DNAJC25: variants seen among roughly 807,000 people sequenced by gnomAD.
DNAJC25 encodes DnaJ heat shock protein family (Hsp40) member C25, also known as dnaJ homolog subfamily C member 25.
DNAJC25 carries 26 observed loss-of-function variants against 42.1 expected under a neutral mutation model. The observed-to-expected ratio is 0.62, with a 90% confidence interval of 0.45 to 0.86. DNAJC25 has a LOEUF of 0.86. Among genes scored for constraint, DNAJC25 ranks in the 40% least tolerant of loss-of-function variants. DNAJC25 has a pLI of 0.00. For missense variants in DNAJC25, 404 were observed against 459.4 expected (o/e 0.88, Z 1.10); for synonymous variants, 189 against 179.9 (o/e 1.05, Z -0.40).
chr9:111,642,655 T>G (rs181122912), intron 1 of DNAJC25, among the ~76,000 whole-genome samples: 1 of 131,364 alleles, frequency 7.6e-6, no homozygotes, highest in East Asian at 2.2e-4. Flanking sequence ...AAAATAAATG[T>G]AAAACTAGCT....
Position 111,631,723 on chromosome 9 carries a change from A to G in DNAJC25, c.316A>G (p.Thr106Ala), listed in dbSNP as rs766627561. The change falls in exon 1 of 4, where the codon ACC (threonine) becomes GCC (alanine). Residue 106 changes from threonine to alanine, a missense_variant. Transcript: ENST00000313525. Reference protein sequence around the residue: ...SAEEAFLLVATAYETLKDEET... With the variant: ...SAEEAFLLVAAAYETLKDEET... ...CGAGGAGGCTTTCCTGCTGGTGGCAACCGCCTACGAGACACTCAAGGTGAG... is the reference window on the plus strand; with the variant it reads ...CGAGGAGGCTTTCCTGCTGGTGGCAGCCGCCTACGAGACACTCAAGGTGAG... The G allele has an allele frequency of 3.3e-5, 50 of 1,520,664 alleles. 2 individuals are homozygous for G. Among genetic ancestry groups the G allele is most frequent in the South Asian group, 3.6e-5 (3 of 83,698 alleles). 94.2% of individuals were successfully genotyped at this position (1,520,664 alleles called of 1,614,324 possible).
chr9:111,641,428 G>A (rs1349261304), intron 1 of DNAJC25, among the ~76,000 whole-genome samples: 2 of 127,546 alleles, frequency 1.6e-5, no homozygotes, highest in African/African-American at 6.1e-5. Flanking sequence ...CGCCCGGCCA[G>A]CCGCCCCGTC....
chr9:111,632,483 T>C (rs1240876634), intron 1 of DNAJC25, among the ~76,000 whole-genome samples: 1 of 152,174 alleles, frequency 6.6e-6, no homozygotes, highest in Admixed American at 6.5e-5. Context: ...TGTGAATATG[T>C]ATTTGTATTT....
chr9:111,653,298 C>T lies in DNAJC25; in HGVS notation c.*76C>T. ...TAACTGAATTATTTTAGAAATGTAT[C>T]AATTGACTGCTGCTCAGCAGTAACT... On this transcript the variant is annotated 3_prime_UTR_variant, in exon 4 of 4. Transcript: ENST00000313525. 1 of 1,379,438 alleles carries T rather than the reference C, an allele frequency of 7.2e-7. No homozygotes were observed. The highest frequency in any genetic ancestry group is 2.7e-5 in the Admixed American group (1 of 37,628). The allele number at this position is 1,379,438 out of a possible 1,614,324, so 85.4% of individuals were successfully genotyped here. A position where few individuals can be genotyped will look rare whatever the true frequency, so the allele number is the denominator to read the frequency against.
At chr9:111,640,967 C>T (rs1830448313) in intron 1 of DNAJC25, among the ~76,000 whole-genome samples, 1 of 102,362 alleles carries the variant, frequency 9.8e-6, no homozygotes, top group South Asian at 3.0e-4. Context: ...GTCAGCCCCC[C>T]GCCTGGCCAG....
chr9:111,649,771 T>A lies in DNAJC25; in HGVS notation c.808T>A (p.Phe270Ile). Reference protein sequence around the residue: ...IVWYCRWIYNFNIKGKEYGEE... With the variant: ...IVWYCRWIYNINIKGKEYGEE... ...TTGGTATTGTCGGTGGATCTATAAT[T>A]TTAACATCAAAGGCAAAGAATATGG... Residue 270 changes from phenylalanine (F) to isoleucine (I), a missense_variant, in exon 3 of 4, where the codon TTT becomes ATT. Coordinates refer to ENST00000313525, the MANE Select transcript of DNAJC25 (RefSeq NM_001015882.3). 1 of 1,614,074 alleles carries A rather than the reference T, an allele frequency of 6.2e-7. No homozygotes were observed. The highest frequency in any genetic ancestry group is 8.5e-7 in the Non-Finnish European group (1 of 1,179,998).
intron 1 of DNAJC25, among the ~76,000 whole-genome samples, chr9:111,632,460 G>A (rs184635941): frequency 6.6e-6 from 1 of 152,300 alleles, no homozygotes; most frequent in Non-Finnish European, 1.5e-5. Context: ...AGAATTTCTA[G>A]TAGGAAATAT....
In DNAJC25 at chr9:111,649,518, T is replaced by C. The variant is rs766771850; in HGVS notation, c.555T>C (p.Arg185=). 1 of 1,613,662 alleles carries C rather than the reference T, an allele frequency of 6.2e-7. No individual in the cohort carries two copies. The highest frequency in any genetic ancestry group is 1.7e-5 in the Admixed American group (1 of 59,900). The change falls in exon 3 of 4, where the codon CGT becomes CGC. Residue 185 remains arginine, a synonymous_variant. Coordinates refer to ENST00000313525, the MANE Select transcript of DNAJC25 (RefSeq NM_001015882.3). ...ISYLATVPKY[R]IQATEIAKQQ... ...ACCTAGCCACAGTGCCCAAGTACCG[T>C]ATCCAAGCTACAGAGATTGCCAAGC... is the stretch of plus-strand genomic sequence containing the variant.
rs201683569 is a variant in DNAJC25, at chr9:111,653,384, CTT to C, written c.*164_*165del. 16,323 of 722,184 alleles carry C rather than the reference CTT, an allele frequency of 0.023. 238 individuals are homozygous for C. The highest frequency in any genetic ancestry group is 0.042 in the South Asian group (622 of 14,812). The allele number at this position is 722,184 out of a possible 1,614,324, so 44.7% of individuals were successfully genotyped here. A position where few individuals can be genotyped will look rare whatever the true frequency, so the allele number is the denominator to read the frequency against. ...TCAAAATTTAAACCTTCCCTTAAAA[CTT>C]TATACATAAGACATTTATGATTGTT... On this transcript the variant is annotated 3_prime_UTR_variant, in exon 4 of 4. Coordinates refer to ENST00000313525, the MANE Select transcript of DNAJC25 (RefSeq NM_001015882.3).
chr9:111,634,676 A>G (rs995736937), intron 1 of DNAJC25, among the ~76,000 whole-genome samples: 1 of 152,166 alleles, frequency 6.6e-6, no homozygotes, highest in South Asian at 2.1e-4. Context: ...CAGTGGATTT[A>G]TGATTCTGAG....
At chr9:111,637,593 CT>C (rs1830382659) in intron 1 of DNAJC25, among the ~76,000 whole-genome samples, 1 of 151,956 alleles carries the variant, frequency 6.6e-6, no homozygotes, top group South Asian at 2.1e-4. Context: ...ACATTTTTTC[CT>C]TTCTTTGGTG....
chr9:111,641,430 C>T (rs1407467429), intron 1 of DNAJC25, among the ~76,000 whole-genome samples: 808 of 98,062 alleles, frequency 8.2e-3, no homozygotes, highest in East Asian at 0.016. Flanking sequence ...CCCGGCCAGC[C>T]GCCCCGTCTG....
In DNAJC25 at chr9:111,649,849, C is replaced by A; in HGVS notation, c.886C>A (p.Gln296Lys). The change falls in exon 3 of 4, where the codon CAA (glutamine) becomes AAA (lysine). Residue 296 changes from glutamine to lysine, a missense_variant. Physicochemically the swap from Gln to Lys is moderately conservative, Grantham distance 53 (BLOSUM62 1). Coordinates refer to ENST00000313525, the MANE Select transcript of DNAJC25 (RefSeq NM_001015882.3). ...IRKSMKMSKS[Q>K]FDSLEDHQKE... Reference sequence around the variant, plus strand: ...TAAATCTATGAAGATGTCAAAGTCTCAATTTGATAGTCTAGAAGATCATCA... The same window carrying A: ...TAAATCTATGAAGATGTCAAAGTCTAAATTTGATAGTCTAGAAGATCATCA... The A allele has an allele frequency of 6.2e-7, 1 of 1,612,104 alleles. No homozygotes were observed. The highest frequency in any genetic ancestry group is 8.5e-7 in the Non-Finnish European group (1 of 1,179,568).
At chr9:111,632,167 G>C (rs938437821) in intron 1 of DNAJC25, among the ~76,000 whole-genome samples, 2 of 138,810 alleles carry the variant, frequency 1.4e-5, no homozygotes, top group Non-Finnish European at 3.2e-5. Context: ...TCTGGAAATA[G>C]TGTTAATGGT....
At chr9:111,633,809 C>G (rs1401366768) in intron 1 of DNAJC25, among the ~76,000 whole-genome samples, 2 of 152,140 alleles carry the variant, frequency 1.3e-5, no homozygotes, top group Non-Finnish European at 2.9e-5. Context: ...ATGGTTGCCT[C>G]TAAAGGTTTC....
At chr9:111,646,987 A>T (rs1177544215) in intron 1 of DNAJC25, 120 bp from the exon 2 acceptor site, 1 of 1,155,084 alleles carries the variant, frequency 8.7e-7, no homozygotes, top group African/African-American at 1.6e-5. Context: ...TGACAATTTC[A>T]GTATTTTTAC....
At chr9:111,632,323 A>C (rs1041872810) in intron 1 of DNAJC25, among the ~76,000 whole-genome samples, 4 of 152,212 alleles carry the variant, frequency 2.6e-5, no homozygotes, top group African/African-American at 7.2e-5. Flanking sequence ...GTTTCTTCAT[A>C]TGCAAAATTA....
intron 1 of DNAJC25, among the ~76,000 whole-genome samples, chr9:111,643,644 T>A (rs761118622): frequency 6.6e-6 from 1 of 152,038 alleles, no homozygotes. Context: ...ATAAGGGATG[T>A]TGCTAGGTAG....
At chr9:111,644,303 C>T (rs564513006) in intron 1 of DNAJC25, among the ~76,000 whole-genome samples, 1 of 152,070 alleles carries the variant, frequency 6.6e-6, no homozygotes, top group Non-Finnish European at 1.5e-5. Flanking sequence ...GTAGAGAGGC[C>T]AGACACAAGG....
Sources: allele counts gnomAD v4.1 joint callset (sites outside exome capture counted in the v4.1 genomes callset), GRCh38; gene constraint gnomAD v4.1.1; transcripts MANE v1.5; gene names NCBI Gene and HGNC (gene_info 2026-07-23, HGNC 2026-07-21).